The following ERLIN1 variants were observed in gnomAD, a reference collection of about 807,000 sequenced individuals.
ERLIN1 encodes erlin-1.
A neutral mutation model predicts 46.9 loss-of-function variants in ERLIN1; 24 were observed. The ratio of observed to expected loss-of-function variants is 0.51; its 90% CI spans 0.37 to 0.72. The LOEUF is 0.72. Ranked by LOEUF, ERLIN1 falls within the 30% of genes least tolerant of loss-of-function variation. The probability of loss-of-function intolerance (pLI) is 0.00; values close to 1 mark genes in which losing one functional copy is unlikely to be tolerated. For synonymous variants in ERLIN1, 158 were observed against 143.2 expected, an observed-to-expected ratio of 1.10 and a Z score of -0.74; for missense variants, 293 against 417.9, an observed-to-expected ratio of 0.70 and a Z score of 2.61.
In ERLIN1 at chr10:100,185,584, C is replaced by T; in HGVS notation, c.43G>A (p.Gly15Arg). ...GCGTAGAGCAGGACAGCCACCAACC[C>T]CACCACTGCAGCCACCAGAACCCGG... ...QARVLVAAVVGLVAVLLYASI... is the reference protein window; with the variant it reads ...QARVLVAAVVRLVAVLLYASI... The change falls in exon 1 of 11, where the codon GGG (glycine) becomes AGG (arginine). Residue 15 changes from glycine to arginine, a missense_variant. Coordinates refer to ENST00000421367, the MANE Select transcript of ERLIN1 (RefSeq NM_006459.4). 2 of 1,614,042 alleles carry T rather than the reference C, an allele frequency of 1.2e-6. No individual in the cohort carries two copies. Among genetic ancestry groups the T allele is most frequent in the Non-Finnish European group, 8.5e-7 (1 of 1,179,888 alleles).
chr10:100,166,374 G>A (rs1168272990), intron 7 of ERLIN1, among the ~76,000 whole-genome samples: 1 of 152,056 alleles, frequency 6.6e-6, no homozygotes, highest in African/African-American at 2.4e-5. Context: ...ACTGCAGTGA[G>A]CCGTGATTGT....
intron 7 of ERLIN1, among the ~76,000 whole-genome samples, chr10:100,166,935 C>A (rs1432613176): frequency 1.3e-5 from 2 of 152,184 alleles, no homozygotes; most frequent in Non-Finnish European, 2.9e-5. Context: ...CAATGGAAAA[C>A]CAAACTTTAT....
Position 100,151,967 on chromosome 10 carries a change from A to C in ERLIN1, c.*164T>G. 1 of 685,916 alleles carries C rather than the reference A, an allele frequency of 1.5e-6. No individual in the cohort carries two copies. Among genetic ancestry groups the C allele is most frequent in the Non-Finnish European group, 2.7e-6 (1 of 374,310 alleles). The allele number at this position is 685,916 out of a possible 1,614,324, so 42.5% of individuals were successfully genotyped here. Reference sequence around the variant, plus strand: ...TGAAAAGACCATTTGTGTGTCAGACAGCTGGCTCTATCCTCCAATCAGTGG... The same window carrying C: ...TGAAAAGACCATTTGTGTGTCAGACCGCTGGCTCTATCCTCCAATCAGTGG... On this transcript the variant is annotated 3_prime_UTR_variant, in exon 11 of 11. Transcript: ENST00000421367.
At position 100,185,796 on chromosome 10, in the gene ERLIN1, G is replaced by A; in HGVS notation, c.-170C>T. ...TTCTTCCCTTCTGGCTGAGCCCGCT[G>A]ACCCCTTGCCAACTCCTCCGCCCCC... On this transcript the variant is annotated 5_prime_UTR_variant, in exon 1 of 11. Transcript: ENST00000421367. 1.6e-6 allele frequency: 1 copy of A among 608,296 alleles called. No homozygotes were observed. The highest frequency in any genetic ancestry group is 2.9e-6 in the Non-Finnish European group (1 of 340,456). The allele number at this position is 608,296 out of a possible 1,614,324, so 37.7% of individuals were successfully genotyped here. A position where few individuals can be genotyped will look rare whatever the true frequency, so the allele number is the denominator to read the frequency against.
At chr10:100,171,962 G>C (rs774156453) in intron 6 of ERLIN1, among the ~76,000 whole-genome samples, 17 of 152,110 alleles carry the variant, frequency 1.1e-4, no homozygotes, top group Non-Finnish European at 2.4e-4. Context: ...CTAATGAGGG[G>C]GGGAGCTGCT....
chr10:100,168,787 C>T (rs1028844850), intron 6 of ERLIN1, among the ~76,000 whole-genome samples: 1 of 151,102 alleles, frequency 6.6e-6, no homozygotes, highest in East Asian at 1.9e-4. Context: ...TCAAGCGATT[C>T]TTCTGCCTCA....
chr10:100,158,282 C>T (rs752449032), intron 8 of ERLIN1, among the ~76,000 whole-genome samples: 6 of 152,154 alleles, frequency 3.9e-5, no homozygotes, highest in African/African-American at 1.2e-4. Context: ...CTGAAGAACA[C>T]CCAAATACAG....
At position 100,157,775 on chromosome 10, in the gene ERLIN1, C is replaced by T. The variant is rs976098571; in HGVS notation, c.656-1541G>A. On this transcript the variant is annotated intron_variant, in intron 8 of 10. Coordinates refer to ENST00000421367, the MANE Select transcript of ERLIN1 (RefSeq NM_006459.4). ...AGGGATCTGAAGCCTGCAGCTAGAA[C>T]CCAAAGGATGTTACCTCAACATAGG... Among the ~76,000 whole-genome samples the T allele has an allele frequency of 2.6e-5, 4 of 152,250 alleles. No homozygotes were observed. The East Asian group carries it at 7.7e-4, about 29-fold the overall frequency.
At chr10:100,168,398 T>G (rs985988169) in intron 6 of ERLIN1, among the ~76,000 whole-genome samples, 28 of 152,186 alleles carry the variant, frequency 1.8e-4, no homozygotes, top group Non-Finnish European at 3.8e-4. Flanking sequence ...ATATAAGGAT[T>G]ACAGTGGAAT....
chr10:100,158,416 T>C (rs990897045), intron 8 of ERLIN1, among the ~76,000 whole-genome samples: 1 of 152,186 alleles, frequency 6.6e-6, no homozygotes, highest in Non-Finnish European at 1.5e-5. Flanking sequence ...ACTGCCATAT[T>C]GATAAGGAAA....
At chr10:100,154,642 A>G (rs1842978390) in intron 10 of ERLIN1, among the ~76,000 whole-genome samples, 1 of 152,236 alleles carries the variant, frequency 6.6e-6, no homozygotes, top group African/African-American at 2.4e-5. Flanking sequence ...ATTCAGCCTT[A>G]TATAGCAGTA....
chr10:100,183,916 C>G, intron 1 of ERLIN1, 79 bp from the exon 2 acceptor site: 1 of 966,862 alleles, frequency 1.0e-6, no homozygotes, highest in Non-Finnish European at 1.6e-6. Context: ...ATAATAAATA[C>G]TCACTCTTGC....
intron 5 of ERLIN1, 148 bp from the exon 6 acceptor site, chr10:100,174,429 T>A (rs553674076): frequency 1.7e-6 from 1 of 588,324 alleles, no homozygotes; most frequent in East Asian, 2.8e-5. Context: ...TCTTCCCTTT[T>A]GTGTGGGAAA....
chr10:100,180,412 C>T (rs1310309314), intron 2 of ERLIN1, among the ~76,000 whole-genome samples: 3 of 152,002 alleles, frequency 2.0e-5, no homozygotes, highest in African/African-American at 7.3e-5. Flanking sequence ...AAACCAAAAA[C>T]ACAAATTATA....
Position 100,185,927 on chromosome 10 carries a change from T to C in ERLIN1, c.-301A>G, listed in dbSNP as rs545828601. On this transcript the variant is annotated 5_prime_UTR_variant, in exon 1 of 11. Coordinates refer to ENST00000421367, the MANE Select transcript of ERLIN1 (RefSeq NM_006459.4). The stretch of plus-strand genomic sequence containing the variant: ...ACTGAGAAGAAGCCCAGCCGCAGGC[T>C]CGCGAGGAAAGCCGACCCCTCGGCC... The C allele has an allele frequency of 2.2e-6, 1 of 452,470 alleles. No individual in the cohort carries two copies. The highest frequency in any genetic ancestry group is 3.9e-6 in the Non-Finnish European group (1 of 256,834). The allele number at this position is 452,470 out of a possible 1,614,324, so 28.0% of individuals were successfully genotyped here.
intron 5 of ERLIN1, 97 bp downstream of exon 5, chr10:100,175,848 T>C (rs1844263182): frequency 2.1e-6 from 2 of 973,940 alleles, no homozygotes; most frequent in Non-Finnish European, 1.4e-6. Context: ...GAAGAAATGC[T>C]TAAATAGCAC....
chr10:100,165,816 C>T (rs560780210), intron 7 of ERLIN1, among the ~76,000 whole-genome samples: 1 of 152,274 alleles, frequency 6.6e-6, no homozygotes, highest in East Asian at 1.9e-4. Context: ...ACCTCTACCT[C>T]CCCGGTTGAA....
chr10:100,165,494 C>T (rs1371745738), intron 7 of ERLIN1, among the ~76,000 whole-genome samples: 1 of 150,276 alleles, frequency 6.7e-6, no homozygotes, highest in African/African-American at 2.5e-5. Flanking sequence ...TCACGCCATT[C>T]TCCTGCCTCA....
chr10:100,168,268 C>T (rs867410591), intron 6 of ERLIN1, among the ~76,000 whole-genome samples: 1 of 152,324 alleles, frequency 6.6e-6, no homozygotes, highest in Middle Eastern at 3.4e-3. Context: ...TTAAGAATAA[C>T]AAAGCCTTTA....
Sources: gnomAD v4.1 joint callset for allele counts (sites outside exome capture counted in the v4.1 genomes callset) on GRCh38, gnomAD v4.1.1 for gene constraint, MANE v1.5 for transcripts, NCBI Gene and HGNC (gene_info 2026-07-23, HGNC 2026-07-21) for gene names.